Variants in CHRM1 observed in about 807,000 individuals in gnomAD.
CHRM1 encodes the protein cholinergic receptor muscarinic 1.
CHRM1 carries 5 observed loss-of-function variants against 31.6 expected under a neutral mutation model. That is an observed-to-expected ratio of 0.16 (90% CI 0.08 to 0.33). CHRM1 has a LOEUF of 0.33. CHRM1 is among the 10% of genes least tolerant of loss of function. The pLI is 1.00. For synonymous variants in CHRM1, 227 were observed against 249.7 expected, an observed-to-expected ratio of 0.91 and a Z score of 0.86; for missense variants, 338 against 610.3, an observed-to-expected ratio of 0.55 and a Z score of 4.70.
chr11:62,913,977 G>A (rs2085886877), intron 1 of CHRM1, among the ~76,000 whole-genome samples: 1 of 147,898 alleles, frequency 6.8e-6, no homozygotes, highest in African/African-American at 2.5e-5. Flanking sequence ...GAGTCTCGCT[G>A]TGTCACCCAG....
Position 62,909,858 on chromosome 11 carries a change from G to C in CHRM1, c.1243C>G (p.Pro415Ala). The change falls in exon 2 of 2, where the codon CCC (proline) becomes GCC (alanine). Residue 415 changes from proline (P) to alanine (A), a missense_variant. This residue lies in a region of CHRM1 where 68 missense variants were observed against 108.5 expected (regional missense o/e 0.63). Coordinates refer to ENST00000306960, the MANE Select transcript of CHRM1 (RefSeq NM_000738.3). ...TTGTTGCAGAGTGCGTAGCACATGG[G>C]GTTGATGGTGCTGTTGACGTAGCAC... ...WLCYVNSTIN[P>A]MCYALCNKAF... 1 of 1,614,242 alleles carries C rather than the reference G, an allele frequency of 6.2e-7. No homozygotes were observed. The highest frequency in any genetic ancestry group is 8.5e-7 in the Non-Finnish European group (1 of 1,180,038).
intron 1 of CHRM1, among the ~76,000 whole-genome samples, chr11:62,913,086 G>T (rs1307086561): frequency 6.7e-6 from 1 of 148,556 alleles, no homozygotes; most frequent in Non-Finnish European, 1.5e-5. Context: ...TTGCACATGA[G>T]GGGGCATGTG....
At chr11:62,915,960 C>T (rs2085898175) in intron 1 of CHRM1, among the ~76,000 whole-genome samples, 1 of 152,152 alleles carries the variant, frequency 6.6e-6, no homozygotes, top group African/African-American at 2.4e-5. Context: ...TAGGCTCCTG[C>T]CACTACACTC....
chr11:62,917,228 C>T (rs955777100), intron 1 of CHRM1, among the ~76,000 whole-genome samples: 1 of 152,132 alleles, frequency 6.6e-6, no homozygotes, highest in Non-Finnish European at 1.5e-5. Context: ...TGGCAGATTC[C>T]CCTGGGGAGA....
Position 62,910,159 on chromosome 11 carries a change from G to T in CHRM1, c.942C>A (p.Pro314=). 1 of 1,605,186 alleles carries T rather than the reference G, an allele frequency of 6.2e-7. No individual in the cohort carries two copies. The highest frequency in any genetic ancestry group is 8.5e-7 in the Non-Finnish European group (1 of 1,175,798). The part of the protein sequence containing the change: ...MPMVDPEAQA[P]TKQPPRSSPN... ...GGGAGCTCCGTGGGGGCTGCTTGGT[G>T]GGGGCCTGTGCCTCGGGGTCCACCA... The change falls in exon 2 of 2, where the codon CCC becomes CCA. Residue 314 remains proline (P), a synonymous_variant. Transcript: ENST00000306960. The surrounding 1 kb of genome is among the most constrained non-coding windows in gnomAD (Gnocchi z 8.7).
rs967653985 is a variant in CHRM1 at position 62,921,337 on chromosome 11, G to C, written c.-198C>G. On this transcript the variant is annotated 5_prime_UTR_variant, in exon 1 of 2. Transcript: ENST00000306960. ...GGGAGCTGCGCCCTGTGCTGGCAGCGGGAGAGGCACAGCCAGTGATTGGCA... is the reference window on the plus strand; with the variant it reads ...GGGAGCTGCGCCCTGTGCTGGCAGCCGGAGAGGCACAGCCAGTGATTGGCA... The C allele has an allele frequency of 6.6e-6, 1 of 152,238 alleles. No individual in the cohort carries two copies. The highest frequency in any genetic ancestry group is 1.5e-5 in the Non-Finnish European group (1 of 68,070). 9.4% of individuals were successfully genotyped at this position (152,238 alleles called of 1,614,324 possible). A position where few individuals can be genotyped will look rare whatever the true frequency, so the allele number is the denominator to read the frequency against.
intron 1 of CHRM1, 50 bp downstream of exon 1, chr11:62,921,168 T>C (rs2085931543): frequency 1.3e-5 from 2 of 152,476 alleles, no homozygotes; most frequent in East Asian, 1.9e-4. Flanking sequence ...AGGACCCTCC[T>C]ACCCTCTACC....
chr11:62,917,781 T>C (rs1325473609), intron 1 of CHRM1: 1 of 152,132 alleles, frequency 6.6e-6, no homozygotes, highest in Non-Finnish European at 1.5e-5. Flanking sequence ...TCCTTACACA[T>C]AATAGCAGCA....
chr11:62,919,743 C>T (rs1370623941), intron 1 of CHRM1, among the ~76,000 whole-genome samples: 2 of 152,226 alleles, frequency 1.3e-5, no homozygotes, highest in East Asian at 3.8e-4. Flanking sequence ...CCTGCTCTCC[C>T]ACCCCATCTT....
chr11:62,911,147 G>A lies in CHRM1; in HGVS notation c.-47C>T, dbSNP rs752315522. On this transcript the variant is annotated 5_prime_UTR_variant, in exon 2 of 2. Transcript: ENST00000306960. ...TTGGAGAGCCCCTTCCTCCAGGCAC[G>A]CTACAGGGCTTCCTCAGGGGAAAGT... 9 of 1,562,506 alleles carry A rather than the reference G, an allele frequency of 5.8e-6. No homozygotes were observed. The highest frequency in any genetic ancestry group is 5.4e-5 in the African/African-American group (4 of 73,814).
rs1412291138 is a variant in CHRM1, at chr11:62,908,826, G to C, written c.*892C>G. Reference sequence around the variant, plus strand: ...TTGGGGAGCTCACAGGAGAGAACCTGCTGGCTGGGCCAGGCCTGTGTGGGG... The same window carrying C: ...TTGGGGAGCTCACAGGAGAGAACCTCCTGGCTGGGCCAGGCCTGTGTGGGG... On this transcript the variant is annotated 3_prime_UTR_variant, in exon 2 of 2. Coordinates refer to ENST00000306960, the MANE Select transcript of CHRM1 (RefSeq NM_000738.3). 6.5e-6 allele frequency: 1 copy of C among 153,088 alleles called. No homozygotes were observed. The highest frequency in any genetic ancestry group is 2.4e-5 in the African/African-American group (1 of 41,482). The allele number at this position is 153,088 out of a possible 1,614,324, so 9.5% of individuals were successfully genotyped here.
chr11:62,913,855 T>C (rs1356902346), intron 1 of CHRM1, among the ~76,000 whole-genome samples: 2 of 152,092 alleles, frequency 1.3e-5, no homozygotes, highest in Non-Finnish European at 2.9e-5. Context: ...TCTCCATTTT[T>C]TTTTTTTGAG....
intron 1 of CHRM1, among the ~76,000 whole-genome samples, chr11:62,919,436 C>T (rs2135049317): frequency 6.6e-6 from 1 of 152,306 alleles, no homozygotes; most frequent in Middle Eastern, 3.4e-3. Flanking sequence ...GGATCTTAAG[C>T]AGTTGCCTGA....
At chr11:62,915,350 C>CA (rs1225137352) in intron 1 of CHRM1, among the ~76,000 whole-genome samples, 1 of 151,878 alleles carries the variant, frequency 6.6e-6, no homozygotes, top group African/African-American at 2.4e-5. Flanking sequence ...GAAGTTAATG[C>CA]AAAAAAATCC....
Position 62,909,173 on chromosome 11 carries a change from G to A in CHRM1, c.*545C>T, listed in dbSNP as rs1256533676. ...GTTGACCCACCTAGGGACCCTCTGA[G>A]GACATTTGTGGACAATCCTGGAGAG... is the stretch of plus-strand genomic sequence containing the variant. On this transcript the variant is annotated 3_prime_UTR_variant, in exon 2 of 2. Coordinates refer to ENST00000306960, the MANE Select transcript of CHRM1 (RefSeq NM_000738.3). 6.4e-6 allele frequency: 1 copy of A among 156,170 alleles called. No homozygotes were observed. Among genetic ancestry groups the A allele is most frequent in the East Asian group, 1.9e-4 (1 of 5,238 alleles). 9.7% of individuals were successfully genotyped at this position (156,170 alleles called of 1,614,324 possible).
chr11:62,919,610 C>T (rs1232115563), intron 1 of CHRM1, among the ~76,000 whole-genome samples: 2 of 152,136 alleles, frequency 1.3e-5, no homozygotes, highest in African/African-American at 4.8e-5. Context: ...CTCTCTCCCT[C>T]CCTCCTCCAT....
intron 1 of CHRM1, among the ~76,000 whole-genome samples, chr11:62,913,792 T>A: frequency 6.6e-6 from 1 of 152,108 alleles, no homozygotes; most frequent in Admixed American, 6.5e-5. Flanking sequence ...AGGGTTTATA[T>A]GCATAATCTT....
In CHRM1 at chr11:62,910,352, C is replaced by T. The variant is rs769678921; in HGVS notation, c.749G>A (p.Gly250Asp). Reference protein sequence around the residue: ...SSERSQPGAEGSPETPPGRCC... With the variant: ...SSERSQPGAEDSPETPPGRCC... ...GCGGCCTGGAGGAGTCTCTGGTGAG[C>T]CCTCAGCCCCTGGCTGAGACCTCTC... Residue 250 changes from glycine to aspartate, a missense_variant, in exon 2 of 2, where the codon GGC becomes GAC. Coordinates refer to ENST00000306960, the MANE Select transcript of CHRM1 (RefSeq NM_000738.3). The surrounding 1 kb of genome is among the most constrained non-coding windows in gnomAD (Gnocchi z 8.7). The T allele has an allele frequency of 6.2e-7, 1 of 1,609,540 alleles. No homozygotes were observed.
At chr11:62,915,788 G>C (rs1217737684) in intron 1 of CHRM1, among the ~76,000 whole-genome samples, 1 of 152,020 alleles carries the variant, frequency 6.6e-6, no homozygotes, top group African/African-American at 2.4e-5. Flanking sequence ...CAGTTAAAAA[G>C]TTAAAGCCTT....
Sources: gnomAD v4.1 joint callset for allele counts (sites outside exome capture counted in the v4.1 genomes callset) on GRCh38, gnomAD v4.1.1 for gene constraint, gnomAD v4.1.1 regional missense constraint, Gnocchi (gnomAD v3.1) non-coding constraint, MANE v1.5 for transcripts, NCBI Gene and HGNC (gene_info 2026-07-23, HGNC 2026-07-21) for gene names.